Variants in GALNTL6 observed in about 807,000 individuals in gnomAD.
GALNTL6 encodes the protein polypeptide N-acetylgalactosaminyltransferase like 6.
Under a neutral mutation model 73.7 loss-of-function variants are expected in GALNTL6, and 46 were observed. The observed-to-expected ratio is 0.62, with a 90% CI of 0.49 to 0.80. The LOEUF (loss-of-function observed/expected upper bound fraction) is 0.80, where lower values mean the gene tolerates loss of function less well. Among genes scored for constraint, GALNTL6 ranks in the 30% least tolerant of loss-of-function variants. The probability of loss-of-function intolerance (pLI) is 0.00; values close to 1 mark genes in which losing one functional copy is unlikely to be tolerated. For synonymous variants in GALNTL6, 259 were observed against 263.7 expected, an observed-to-expected ratio of 0.98 and a Z score of 0.17; for missense variants, 604 against 755.0, an observed-to-expected ratio of 0.80 and a Z score of 2.34.
Position 172,813,605 on chromosome 4 carries a change from T to C in GALNTL6, c.805T>C (p.Phe269Leu). The change falls in exon 7 of 13, where the codon TTC (phenylalanine) becomes CTC (leucine). Residue 269 changes from phenylalanine (F) to leucine (L), a missense_variant. Physicochemically the swap from Phe to Leu is conservative, Grantham distance 22 (BLOSUM62 0). Transcript: ENST00000506823. The stretch of plus-strand genomic sequence containing the variant: ...GATCGATGTCATTGACCACAATCAC[T>C]TCGGGTATGAGGCACAAGCTGGGGA... ...PMIDVIDHNH[F>L]GYEAQAGDAM... The C allele has an allele frequency of 2.5e-6, 4 of 1,613,182 alleles. No individual in the cohort carries two copies. Among genetic ancestry groups the C allele is most frequent in the Non-Finnish European group, 3.4e-6 (4 of 1,179,398 alleles).
intron 5 of GALNTL6, among the ~76,000 whole-genome samples, chr4:172,625,153 C>T (rs565078408): frequency 3.3e-5 from 5 of 152,030 alleles, no homozygotes; most frequent in African/African-American, 1.2e-4. Context: ...ATAAAAAAAA[C>T]TTTCAAGCAC....
In GALNTL6 at chr4:172,994,263, T is replaced by C. The variant is rs145188240; in HGVS notation, c.1372-14915T>C. Among the ~76,000 whole-genome samples the C allele has an allele frequency of 3.2e-4, 49 of 152,302 alleles. No individual in the cohort carries two copies. The Middle Eastern group carries it at 0.01, about 32-fold the overall frequency. On this transcript the variant is annotated intron_variant, in intron 10 of 12. Coordinates refer to ENST00000506823, the MANE Select transcript of GALNTL6 (RefSeq NM_001034845.3). ...AGAAAATATCAATCAGTTTTCCCTA[T>C]CAGTTTTGCATGAATTTTCCTTGCT...
At chr4:171,910,095 T>C (rs1006535374) in intron 2 of GALNTL6, among the ~76,000 whole-genome samples, 1 of 152,170 alleles carries the variant, frequency 6.6e-6, no homozygotes, top group Non-Finnish European at 1.5e-5. Flanking sequence ...GTATATTTCT[T>C]TTCTAGAAAC....
chr4:172,557,515 T>C (rs142237963), intron 5 of GALNTL6, among the ~76,000 whole-genome samples: 1 of 152,244 alleles, frequency 6.6e-6, no homozygotes, highest in Non-Finnish European at 1.5e-5. Flanking sequence ...AAATTTATCC[T>C]GAATATATAA....
chr4:172,828,371 G>A (rs1360115435), intron 7 of GALNTL6, among the ~76,000 whole-genome samples: 3 of 150,996 alleles, frequency 2.0e-5, no homozygotes, highest in Non-Finnish European at 2.9e-5. Context: ...TGCACCCCAC[G>A]TCCCACAGGG....
chr4:172,833,823 G>A (rs1014726556), intron 7 of GALNTL6, among the ~76,000 whole-genome samples: 1 of 152,126 alleles, frequency 6.6e-6, no homozygotes, highest in Non-Finnish European at 1.5e-5. Flanking sequence ...AAGACAGAAG[G>A]GAGTAGTCAA....
At chr4:172,791,887 T>C (rs1230300435) in intron 5 of GALNTL6, among the ~76,000 whole-genome samples, 1 of 152,210 alleles carries the variant, frequency 6.6e-6, no homozygotes, top group South Asian at 2.1e-4. Flanking sequence ...TAAAAAGTCA[T>C]GTTGGATTCT....
chr4:171,989,528 C>A (rs1033549807), intron 2 of GALNTL6, among the ~76,000 whole-genome samples: 11 of 152,120 alleles, frequency 7.2e-5, no homozygotes, highest in South Asian at 2.1e-4. Context: ...TGGAGGAACC[C>A]CTGGCAGCTG....
chr4:172,702,384 A>C (rs968195486), intron 5 of GALNTL6, among the ~76,000 whole-genome samples: 2 of 151,878 alleles, frequency 1.3e-5, no homozygotes, highest in Admixed American at 6.6e-5. Context: ...ATTTTGCGCT[A>C]TCTCTCCATT....
intron 2 of GALNTL6, among the ~76,000 whole-genome samples, chr4:172,182,001 GC>G (rs1735262085): frequency 2.0e-5 from 3 of 152,002 alleles, no homozygotes; most frequent in Admixed American, 2.0e-4. Context: ...ACAGGAGTGA[GC>G]CACCGCGCCC....
intron 5 of GALNTL6, among the ~76,000 whole-genome samples, chr4:172,666,421 C>A (rs1250466298): frequency 6.6e-6 from 1 of 152,158 alleles, no homozygotes; most frequent in East Asian, 1.9e-4. Context: ...TGAAGGGAAG[C>A]TTCTCATGCA....
intron 3 of GALNTL6, among the ~76,000 whole-genome samples, chr4:172,285,485 A>G (rs1324334197): frequency 6.6e-6 from 1 of 152,178 alleles, no homozygotes; most frequent in Non-Finnish European, 1.5e-5. Flanking sequence ...ATGAAAAGTA[A>G]TAAATTCTAG....
At chr4:172,876,522 T>A (rs2111177003) in intron 7 of GALNTL6, among the ~76,000 whole-genome samples, 1 of 152,316 alleles carries the variant, frequency 6.6e-6, no homozygotes, top group Non-Finnish European at 1.5e-5. Context: ...CAGTTACGCA[T>A]TGCAATATAC....
intron 5 of GALNTL6, among the ~76,000 whole-genome samples, chr4:172,791,374 T>C (rs1739986935): frequency 6.6e-6 from 1 of 152,198 alleles, no homozygotes; most frequent in African/African-American, 2.4e-5. Flanking sequence ...ATTGAAAATA[T>C]AGAACAACCA....
intron 2 of GALNTL6, among the ~76,000 whole-genome samples, chr4:172,127,366 C>G (rs1733328346): frequency 6.6e-6 from 1 of 152,238 alleles, no homozygotes; most frequent in African/African-American, 2.4e-5. Context: ...CCCATCCAGC[C>G]TGCCACTACC....
chr4:172,303,290 G>A (rs1021531100), intron 3 of GALNTL6, among the ~76,000 whole-genome samples: 3 of 152,116 alleles, frequency 2.0e-5, no homozygotes, highest in Admixed American at 6.5e-5. Flanking sequence ...GAGCCACAGC[G>A]CCTGGCATTA....
chr4:171,853,463 C>G (rs1560814398), intron 2 of GALNTL6, among the ~76,000 whole-genome samples: 1 of 150,626 alleles, frequency 6.6e-6, no homozygotes, highest in African/African-American at 2.4e-5. Flanking sequence ...TGTGTTCATT[C>G]TTTTCTTTTT....
chr4:172,692,516 T>C, intron 5 of GALNTL6, among the ~76,000 whole-genome samples: 1 of 152,300 alleles, frequency 6.6e-6, no homozygotes, highest in East Asian at 1.9e-4. Context: ...TTTGAATTAT[T>C]TTTTAATATT....
chr4:172,699,278 A>T (rs1388134308), intron 5 of GALNTL6, among the ~76,000 whole-genome samples: 1 of 152,148 alleles, frequency 6.6e-6, no homozygotes, highest in Non-Finnish European at 1.5e-5. Context: ...AGACCATAGC[A>T]TTCTGCATGG....
Sources: gnomAD v4.1 joint callset for allele counts (sites outside exome capture counted in the v4.1 genomes callset) on GRCh38, gnomAD v4.1.1 for gene constraint, MANE v1.5 for transcripts, NCBI Gene and HGNC (gene_info 2026-07-23, HGNC 2026-07-21) for gene names.